LGSN: variants seen among roughly 807,000 people sequenced by gnomAD.
The protein encoded by LGSN is lengsin, lens protein with glutamine synthetase domain, also known as lengsin.
LGSN carries 21 observed loss-of-function variants against 19.5 expected under a neutral mutation model. The ratio of observed to expected loss-of-function variants is 1.07; its 90% CI spans 0.76 to 1.55. The LOEUF (loss-of-function observed/expected upper bound fraction) is 1.55, where lower values mean the gene tolerates loss of function less well. Among genes scored for constraint, LGSN ranks in the 40% most tolerant of loss-of-function variants. The probability of loss-of-function intolerance (pLI) is 0.00; values close to 1 mark genes in which losing one functional copy is unlikely to be tolerated. For synonymous variants in LGSN, 257 were observed against 215.6 expected (o/e 1.19, Z -1.68); for missense variants, 673 against 608.5 (o/e 1.11, Z -1.12).
chr6:63,406,288 C>T, the LGSN span, among the ~76,000 whole-genome samples: 1 of 152,124 alleles, frequency 6.6e-6, no homozygotes, highest in African/African-American at 2.4e-5. Context: ...TAAAGCACTC[C>T]TCAGCAAATG....
the LGSN span, among the ~76,000 whole-genome samples, chr6:63,402,148 G>A: frequency 6.6e-6 from 1 of 152,156 alleles, no homozygotes; most frequent in South Asian, 2.1e-4. Context: ...TCTAAAGTGA[G>A]AAATTTGGCT....
chr6:63,484,616 G>C, the LGSN span, among the ~76,000 whole-genome samples: 1 of 103,948 alleles, frequency 9.6e-6, no homozygotes, highest in Non-Finnish European at 1.8e-5. Context: ...AAACACTAGA[G>C]AGCTTTACAA....
At chr6:63,488,679 A>G in the LGSN span, among the ~76,000 whole-genome samples, 2 of 152,140 alleles carry the variant, frequency 1.3e-5, no homozygotes, top group African/African-American at 4.8e-5. Context: ...ATAGCTGGGC[A>G]TGGTGGCAGG....
At chr6:63,392,166 C>T in the LGSN span, 2 of 152,244 alleles carry the variant, frequency 1.3e-5, no homozygotes, top group African/African-American at 4.8e-5. Context: ...AGGCCAGGTG[C>T]CTCTCAGGTA....
At chr6:63,427,720 T>C in the LGSN span, among the ~76,000 whole-genome samples, 1 of 152,196 alleles carries the variant, frequency 6.6e-6, no homozygotes, top group Non-Finnish European at 1.5e-5. Context: ...GGTAGTTTAG[T>C]TAAAATAAGA....
the LGSN span, among the ~76,000 whole-genome samples, chr6:63,340,609 G>A: frequency 7.5e-6 from 1 of 132,570 alleles, no homozygotes; most frequent in South Asian, 2.3e-4. Flanking sequence ...CAGGATTTCT[G>A]TTTGGCTTTT....
the LGSN span, among the ~76,000 whole-genome samples, chr6:63,423,157 A>T: frequency 2.6e-5 from 4 of 152,120 alleles, no homozygotes; most frequent in Non-Finnish European, 5.9e-5. Context: ...GACCAGCTTG[A>T]GCAACACAAT....
chr6:63,572,650 C>T, the LGSN span: 6 of 413,966 alleles, frequency 1.4e-5, no homozygotes, highest in East Asian at 7.0e-5. Context: ...ACCGCCACCG[C>T]CTGTGTCGCC....
chr6:63,416,223 A>C, the LGSN span, among the ~76,000 whole-genome samples: 1 of 151,732 alleles, frequency 6.6e-6, no homozygotes, highest in Non-Finnish European at 1.5e-5. Flanking sequence ...CTACTGTCTC[A>C]AATGCTCCTA....
the LGSN span, among the ~76,000 whole-genome samples, chr6:63,459,783 G>A: frequency 4.6e-5 from 7 of 152,038 alleles, no homozygotes; most frequent in Non-Finnish European, 8.8e-5. Context: ...GCGTGGTTGT[G>A]GGTTCCTGTA....
At chr6:63,334,611 C>T in the LGSN span, among the ~76,000 whole-genome samples, 4 of 152,228 alleles carry the variant, frequency 2.6e-5, no homozygotes, top group East Asian at 7.7e-4. Flanking sequence ...AAAAACAATT[C>T]TAAAATTTCT....
chr6:63,489,760 G>A, the LGSN span, among the ~76,000 whole-genome samples: 1 of 152,188 alleles, frequency 6.6e-6, no homozygotes, highest in Admixed American at 6.5e-5. Context: ...AGGCTGGAGT[G>A]CAATGGCACA....
the LGSN span, among the ~76,000 whole-genome samples, chr6:63,361,572 G>A: frequency 6.6e-6 from 1 of 152,294 alleles, no homozygotes; most frequent in East Asian, 1.9e-4. Flanking sequence ...TCCTTGGCTA[G>A]GAAAGGGAAT....
the LGSN span, among the ~76,000 whole-genome samples, chr6:63,412,907 AAAGGAAGGAAGAAAGG>A: frequency 3.2e-4 from 48 of 149,794 alleles, no homozygotes; most frequent in Non-Finnish European, 5.9e-4. Context: ...AGAGAGAGAG[AAAGGAAGGAAGAAAGG>A]AAGGAAGGAA....
At chr6:63,308,979 C>A (rs1038477873) in intron 1 of LGSN, among the ~76,000 whole-genome samples, 1 of 152,118 alleles carries the variant, frequency 6.6e-6, no homozygotes, top group Non-Finnish European at 1.5e-5. Flanking sequence ...ACCTTGTATT[C>A]CTACTCCTAG....
chr6:63,436,203 CAAATGA>C, the LGSN span, among the ~76,000 whole-genome samples: 1 of 152,106 alleles, frequency 6.6e-6, no homozygotes, highest in Non-Finnish European at 1.5e-5. Flanking sequence ...CTTTTATTAG[CAAATGA>C]AATACTATGT....
the LGSN span, chr6:63,396,251 T>C: frequency 1.2e-5 from 2 of 166,306 alleles, no homozygotes; most frequent in African/African-American, 4.8e-5. Context: ...AGGGTAAAAC[T>C]TGGGGAAGAG....
chr6:63,426,239 G>A, the LGSN span, among the ~76,000 whole-genome samples: 1 of 152,078 alleles, frequency 6.6e-6, no homozygotes, highest in East Asian at 1.9e-4. Flanking sequence ...CAAGTTTTAT[G>A]ATCCTTAGAG....
chr6:63,357,039 T>G, the LGSN span, among the ~76,000 whole-genome samples: 1 of 138,738 alleles, frequency 7.2e-6, no homozygotes. Flanking sequence ...TGTCCATGTG[T>G]TCTCATTGTT....
Sources: allele counts gnomAD v4.1 joint callset (sites outside exome capture counted in the v4.1 genomes callset), GRCh38; gene constraint gnomAD v4.1.1; transcripts MANE v1.5; gene names NCBI Gene and HGNC (gene_info 2026-07-23, HGNC 2026-07-21).